The following RCAN1 variants were observed in gnomAD, a reference collection of about 807,000 sequenced individuals.
RCAN1 encodes the protein calcipressin-1.
RCAN1 carries 11 observed loss-of-function variants against 22.9 expected under a neutral mutation model. The observed-to-expected ratio is 0.48, with a 90% CI of 0.30 to 0.79. The LOEUF (loss-of-function observed/expected upper bound fraction) is 0.79. RCAN1 is among the 30% of genes least tolerant of loss of function. The pLI, the probability that RCAN1 is intolerant of heterozygous loss-of-function variation, is 0.06. For missense variants in RCAN1, 291 were observed against 337.8 expected, an observed-to-expected ratio of 0.86 and a Z score of 1.09; for synonymous variants, 136 against 142.3, an observed-to-expected ratio of 0.96 and a Z score of 0.32.
At position 34,606,772 on chromosome 21, in the gene RCAN1, C is replaced by T. The variant is rs8133313; in HGVS notation, c.252+7988G>A. 2.4e-3 allele frequency among the ~76,000 whole-genome samples: 361 copies of T among 152,246 alleles called. 1 individual carries two copies. Among genetic ancestry groups the T allele is most frequent in the African/African-American group, 7.7e-3 (318 of 41,532 alleles). On this transcript the variant is annotated intron_variant, in intron 1 of 3. Transcript: ENST00000313806. ...CTCTCCACACACTGAGGAAAGACCA[C>T]GTAGGGACACAGGGAGAAGGGGGCC...
intron 1 of RCAN1, chr21:34,525,407 G>T: frequency 7.0e-7 from 1 of 1,432,158 alleles, no homozygotes; most frequent in South Asian, 1.5e-5. Flanking sequence ...GCGGACGGTA[G>T]AGTTCATCTG....
intron 1 of RCAN1, among the ~76,000 whole-genome samples, chr21:34,613,070 C>T (rs1225148017): frequency 6.6e-6 from 1 of 152,228 alleles, no homozygotes; most frequent in Non-Finnish European, 1.5e-5. Context: ...CCTGCTTTAT[C>T]CTCTGGGCCT....
chr21:34,549,880 TG>T (rs535365565), intron 1 of RCAN1, among the ~76,000 whole-genome samples: 61 of 152,260 alleles, frequency 4.0e-4, no homozygotes, highest in African/African-American at 1.3e-3. Context: ...GAGATGACCA[TG>T]CCACCCAGAC....
Position 34,521,503 on chromosome 21 carries a change from C to A in RCAN1, c.582G>T (p.Gly194=). ...CCACCCGAGGGCCCTGCTCACCTGG[C>A]CCCAGCTTGGAGATGGCATATAAGA... The part of the protein sequence containing the change: ...YDLLYAISKL[G]PGEKYELHAA... The change falls in exon 3 of 4, where the codon GGG becomes GGT. Residue 194 remains glycine, a synonymous_variant. Coordinates refer to ENST00000313806, the MANE Select transcript of RCAN1 (RefSeq NM_004414.7). 1.2e-6 allele frequency: 2 copies of A among 1,614,182 alleles called. No homozygotes were observed. Among genetic ancestry groups the A allele is most frequent in the South Asian group, 2.2e-5 (2 of 91,088 alleles).
intron 1 of RCAN1, among the ~76,000 whole-genome samples, chr21:34,534,992 G>A (rs1985603375): frequency 6.6e-6 from 1 of 152,220 alleles, no homozygotes; most frequent in Non-Finnish European, 1.5e-5. Flanking sequence ...AGGAAGAGCA[G>A]AGTCAATTGG....
intron 3 of RCAN1, chr21:34,520,965 G>A (rs1195162232): frequency 3.5e-6 from 2 of 578,950 alleles, no homozygotes; most frequent in African/African-American, 4.0e-5. Context: ...AAGCTCTGTA[G>A]GGGACCAGCC....
chr21:34,527,073 C>T, intron 1 of RCAN1: 1 of 692,438 alleles, frequency 1.4e-6, no homozygotes, highest in African/African-American at 1.9e-5. Flanking sequence ...CTGAGGTTTG[C>T]TTCACAGCTG....
chr21:34,530,628 T>TTGTTG (rs1555856757), intron 1 of RCAN1, among the ~76,000 whole-genome samples: 12 of 136,678 alleles, frequency 8.8e-5, no homozygotes, highest in African/African-American at 3.4e-4. Context: ...TTTTTTTTTT[T>TTGTTG]TTTTTTTTTT....
intron 1 of RCAN1, chr21:34,523,971 C>T (rs945190586): frequency 3.2e-5 from 9 of 284,752 alleles, no homozygotes; most frequent in South Asian, 1.6e-4. Context: ...TTAGTAGAGA[C>T]GGGGCTTTGC....
At chr21:34,533,692 T>C (rs544441843) in intron 1 of RCAN1, among the ~76,000 whole-genome samples, 1 of 152,270 alleles carries the variant, frequency 6.6e-6, no homozygotes, top group East Asian at 1.9e-4. Context: ...ATCCACAGTA[T>C]GTTTAGACAG....
Position 34,525,550 on chromosome 21 carries a change from A to T in RCAN1, c.253-1840T>A. The T allele has an allele frequency of 5.6e-6, 3 of 535,572 alleles. No homozygotes were observed. The Admixed American group carries it at 1.2e-4, about 21-fold the overall frequency. 33.2% of individuals were successfully genotyped at this position (535,572 alleles called of 1,614,324 possible). ...TGACCCACTGTTTAGTTTTGAAGTT[A>T]TGATTCAGAATTTGGGAGAGATGAC... On this transcript the variant is annotated intron_variant, in intron 1 of 3. Transcript: ENST00000313806.
At chr21:34,523,266 G>T (rs1984732730) in intron 2 of RCAN1, 3 of 409,400 alleles carry the variant, frequency 7.3e-6, no homozygotes, top group Admixed American at 3.9e-5. Flanking sequence ...GCTGCACCCT[G>T]CAAGCTCCCC....
intron 1 of RCAN1, among the ~76,000 whole-genome samples, chr21:34,606,167 G>A (rs558725362): frequency 6.6e-6 from 1 of 152,208 alleles, no homozygotes; most frequent in Non-Finnish European, 1.5e-5. Flanking sequence ...GCCCCAGATG[G>A]GAGAGAACAA....
Position 34,614,642 on chromosome 21 carries a change from G to T in RCAN1, c.252+118C>A. ...GGGTCCGCGGCCGAGCAGCCCGGGG[G>T]ACGTCGCTGCCTCCCCGCCCCGCGC... On this transcript the variant is annotated intron_variant, in intron 1 of 3. Coordinates refer to ENST00000313806, the MANE Select transcript of RCAN1 (RefSeq NM_004414.7). This position sits in a 1 kb window ranked among gnomAD's most constrained non-coding sequence, Gnocchi z 6.0. 1 of 1,124,770 alleles carries T rather than the reference G, an allele frequency of 8.9e-7. No individual in the cohort carries two copies. Among genetic ancestry groups the T allele is most frequent in the East Asian group, 4.3e-5 (1 of 23,100 alleles). The allele number at this position is 1,124,770 out of a possible 1,614,324, so 69.7% of individuals were successfully genotyped here.
chr21:34,583,178 CTTT>C lies in RCAN1; in HGVS notation c.252+31579_252+31581del, dbSNP rs10708288. On this transcript the variant is annotated intron_variant, in intron 1 of 3. Transcript: ENST00000313806. ...TGGACTACACAGTTGGCGATAGGGC[CTTT>C]TTTTTTTTTTTTTTTTGAGACAGTT... Among the ~76,000 whole-genome samples, 91 of 114,314 alleles carry C rather than the reference CTTT, an allele frequency of 8.0e-4. No individual in the cohort carries two copies. In the East Asian group the frequency reaches 0.013, roughly 17 times the overall value. 75.0% of individuals were successfully genotyped at this position (114,314 alleles called of 152,430 possible).
chr21:34,578,703 G>A (rs369195239), intron 1 of RCAN1, among the ~76,000 whole-genome samples: 1 of 152,184 alleles, frequency 6.6e-6, no homozygotes, highest in Admixed American at 6.5e-5. Context: ...GAACTTTGTG[G>A]GTTCTCTAAG....
At chr21:34,554,536 A>G (rs766391875) in intron 1 of RCAN1, among the ~76,000 whole-genome samples, 17 of 152,218 alleles carry the variant, frequency 1.1e-4, no homozygotes, top group Non-Finnish European at 2.2e-4. Flanking sequence ...ACATCACAGA[A>G]GGAGACAATC....
intron 1 of RCAN1, among the ~76,000 whole-genome samples, chr21:34,533,135 T>C (rs1261884902): frequency 1.3e-5 from 2 of 151,758 alleles, no homozygotes; most frequent in African/African-American, 4.9e-5. Flanking sequence ...TAATTTTTTG[T>C]ATTTTTAGTA....
At chr21:34,565,221 G>A (rs1296117293) in intron 1 of RCAN1, among the ~76,000 whole-genome samples, 2 of 152,182 alleles carry the variant, frequency 1.3e-5, no homozygotes, top group Non-Finnish European at 2.9e-5. Flanking sequence ...AAAAGCTAAG[G>A]CTTGTATTCC....
Sources: gnomAD v4.1 joint callset for allele counts (sites outside exome capture counted in the v4.1 genomes callset) on GRCh38, gnomAD v4.1.1 for gene constraint, Gnocchi (gnomAD v3.1) non-coding constraint, MANE v1.5 for transcripts, NCBI Gene and HGNC (gene_info 2026-07-23, HGNC 2026-07-21) for gene names.